Variants in INPP4B observed in about 807,000 individuals in gnomAD.
The protein encoded by INPP4B is inositol polyphosphate-4-phosphatase type II B.
INPP4B carries 55 observed loss-of-function variants against 122.5 expected under a neutral mutation model. The ratio of observed to expected loss-of-function variants is 0.45; its 90% CI spans 0.36 to 0.56. The LOEUF is 0.56. Among genes scored for constraint, INPP4B ranks in the 20% least tolerant of loss-of-function variants. INPP4B has a pLI of 0.00. For missense variants in INPP4B, 1,000 were observed against 1,097.7 expected, an observed-to-expected ratio of 0.91 and a Z score of 1.26; for synonymous variants, 403 against 388.7, an observed-to-expected ratio of 1.04 and a Z score of -0.43.
intron 9 of INPP4B, among the ~76,000 whole-genome samples, chr4:142,284,866 C>T (rs576594804): frequency 8.5e-5 from 13 of 152,226 alleles, no homozygotes; most frequent in African/African-American, 3.1e-4. Context: ...GGCTTAGCCA[C>T]AGTTTTTGTT....
intron 9 of INPP4B, among the ~76,000 whole-genome samples, chr4:142,282,502 C>T (rs909245221): frequency 1.1e-4 from 16 of 152,076 alleles, no homozygotes; most frequent in Non-Finnish European, 1.6e-4. Flanking sequence ...CTGCTCAGGG[C>T]CTAACAAGGT....
At chr4:142,826,695 C>T (rs999703438) in intron 1 of INPP4B, among the ~76,000 whole-genome samples, 2 of 152,136 alleles carry the variant, frequency 1.3e-5, no homozygotes, top group African/African-American at 4.8e-5. Context: ...TCTGTGGAAA[C>T]TCACAGCCAG....
At chr4:142,312,343 G>A (rs1448778744) in intron 8 of INPP4B, among the ~76,000 whole-genome samples, 2 of 152,172 alleles carry the variant, frequency 1.3e-5, no homozygotes, top group Non-Finnish European at 2.9e-5. Context: ...CGATTTCAGA[G>A]ATGTGGCTAA....
intron 2 of INPP4B, among the ~76,000 whole-genome samples, chr4:142,490,276 A>G (rs946903183): frequency 6.0e-4 from 91 of 152,042 alleles, no homozygotes; most frequent in African/African-American, 2.0e-3. Flanking sequence ...TTTTGTAGAG[A>G]CAGGGTCTTG....
chr4:142,212,977 T>C (rs1845541011), intron 12 of INPP4B, among the ~76,000 whole-genome samples: 1 of 152,218 alleles, frequency 6.6e-6, no homozygotes, highest in South Asian at 2.1e-4. Context: ...TCATGATTAA[T>C]ATTATTCCAC....
At chr4:142,137,988 G>T (rs1464614249) in intron 18 of INPP4B, among the ~76,000 whole-genome samples, 1 of 152,076 alleles carries the variant, frequency 6.6e-6, no homozygotes, top group African/African-American at 2.4e-5. Flanking sequence ...CGATTCCTCA[G>T]GGATCTAGAA....
intron 21 of INPP4B, among the ~76,000 whole-genome samples, chr4:142,112,911 A>G (rs936523469): frequency 2.6e-5 from 4 of 152,122 alleles, no homozygotes; most frequent in Admixed American, 2.0e-4. Flanking sequence ...GAATTCCTTC[A>G]GGAAAAAAAT....
intron 17 of INPP4B, among the ~76,000 whole-genome samples, chr4:142,148,652 A>G (rs138653787): frequency 6.6e-6 from 1 of 152,356 alleles, no homozygotes; most frequent in East Asian, 1.9e-4. Context: ...AGATAATTTG[A>G]CATTCACACG....
At chr4:142,163,583 T>C (rs1324967437) in intron 16 of INPP4B, among the ~76,000 whole-genome samples, 3 of 151,924 alleles carry the variant, frequency 2.0e-5, no homozygotes, top group Non-Finnish European at 2.9e-5. Context: ...CATTATAGTA[T>C]ATTGTTATAA....
intron 5 of INPP4B, among the ~76,000 whole-genome samples, chr4:142,422,748 AG>A (rs1475454260): frequency 6.6e-6 from 1 of 152,094 alleles, no homozygotes; most frequent in Non-Finnish European, 1.5e-5. Context: ...TAGGAGTTGG[AG>A]GCTGCAGTGA....
intron 7 of INPP4B, among the ~76,000 whole-genome samples, chr4:142,365,575 A>C (rs1787144651): frequency 6.6e-6 from 1 of 152,148 alleles, no homozygotes; most frequent in Non-Finnish European, 1.5e-5. Context: ...TTGACACTAC[A>C]AGGAACATTT....
intron 1 of INPP4B, among the ~76,000 whole-genome samples, chr4:142,737,789 G>T (rs1316329625): frequency 6.6e-6 from 1 of 152,142 alleles, no homozygotes; most frequent in African/African-American, 2.4e-5. Context: ...CCATCAAAAA[G>T]TGAGCGAAGG....
chr4:142,717,907 C>CAAA (rs33932611), intron 2 of INPP4B, among the ~76,000 whole-genome samples: 9 of 58,506 alleles, frequency 1.5e-4, no homozygotes, highest in Non-Finnish European at 2.0e-4. Context: ...AAAAAGAAAG[C>CAAA]AAAAAAAAAA....
chr4:142,424,896 A>AT (rs930418148), intron 5 of INPP4B, among the ~76,000 whole-genome samples: 4 of 151,952 alleles, frequency 2.6e-5, no homozygotes, highest in African/African-American at 9.7e-5. Flanking sequence ...CCTATTATTT[A>AT]TTTTTTGTGA....
At chr4:142,087,150 G>C (rs961487719) in intron 23 of INPP4B, among the ~76,000 whole-genome samples, 4 of 152,152 alleles carry the variant, frequency 2.6e-5, no homozygotes, top group Admixed American at 2.0e-4. Context: ...GCCAGTAGCA[G>C]CTTTCCCAAG....
At chr4:142,638,074 A>G (rs1166844937) in intron 2 of INPP4B, among the ~76,000 whole-genome samples, 1 of 152,160 alleles carries the variant, frequency 6.6e-6, no homozygotes, top group Non-Finnish European at 1.5e-5. Flanking sequence ...AGTTTTGAAA[A>G]TTCTTTATAC....
chr4:142,342,536 G>A (rs1274485783), intron 7 of INPP4B, among the ~76,000 whole-genome samples: 7 of 152,052 alleles, frequency 4.6e-5, no homozygotes, highest in African/African-American at 1.7e-4. Flanking sequence ...TTATGTTGAG[G>A]ATGGAGAAAT....
At chr4:142,536,790 AC>A (rs1828246949) in intron 2 of INPP4B, among the ~76,000 whole-genome samples, 1 of 151,998 alleles carries the variant, frequency 6.6e-6, no homozygotes, top group African/African-American at 2.4e-5. Flanking sequence ...GATCAGGACA[AC>A]CGTTCTTTTT....
At chr4:142,466,135 C>A (rs1238200626) in intron 2 of INPP4B, among the ~76,000 whole-genome samples, 1 of 152,026 alleles carries the variant, frequency 6.6e-6, no homozygotes, top group Non-Finnish European at 1.5e-5. Flanking sequence ...GGATAATGGG[C>A]AGAAGTTGGA....
Sources: gnomAD v4.1 joint callset for allele counts (sites outside exome capture counted in the v4.1 genomes callset) on GRCh38, gnomAD v4.1.1 for gene constraint, MANE v1.5 for transcripts, NCBI Gene and HGNC (gene_info 2026-07-23, HGNC 2026-07-21) for gene names.